SCFD2: variants seen among roughly 807,000 people sequenced by gnomAD.
SCFD2 encodes the protein sec1 family domain-containing protein 2.
In SCFD2, 54 loss-of-function variants were observed where a neutral mutation model predicts 58.9. That is an observed-to-expected ratio of 0.92 (90% CI 0.74 to 1.15). The LOEUF is 1.15. Among genes scored for constraint, SCFD2 ranks in the 50% most tolerant of loss-of-function variants. The pLI is 0.00. For synonymous variants in SCFD2, 321 were observed against 335.9 expected (o/e 0.96, Z 0.49); for missense variants, 805 against 836.6 (o/e 0.96, Z 0.47).
At chr4:53,269,534 ATTAC>A (rs1731096370) in intron 4 of SCFD2, among the ~76,000 whole-genome samples, 1 of 152,152 alleles carries the variant, frequency 6.6e-6, no homozygotes, top group South Asian at 2.1e-4. Context: ...ATCACTTACT[ATTAC>A]TTATATTATT....
chr4:52,934,927 C>T (rs1720097952), intron 5 of SCFD2, among the ~76,000 whole-genome samples: 2 of 152,170 alleles, frequency 1.3e-5, no homozygotes, highest in Non-Finnish European at 2.9e-5. Context: ...ATAGAACTGT[C>T]TGCAATGATG....
chr4:53,066,442 C>T (rs1723665336), intron 5 of SCFD2, among the ~76,000 whole-genome samples: 1 of 152,042 alleles, frequency 6.6e-6, no homozygotes, highest in Admixed American at 6.6e-5. Context: ...GTGCTCTTTC[C>T]TTGTGATTGT....
At chr4:53,105,867 C>G (rs1298662779) in intron 5 of SCFD2, among the ~76,000 whole-genome samples, 4 of 151,978 alleles carry the variant, frequency 2.6e-5, no homozygotes, top group Admixed American at 1.3e-4. Flanking sequence ...TCAATTGGGT[C>G]CCTGACCCCC....
At chr4:53,219,187 T>C (rs1242376292) in intron 4 of SCFD2, among the ~76,000 whole-genome samples, 1 of 152,226 alleles carries the variant, frequency 6.6e-6, no homozygotes, top group African/African-American at 2.4e-5. Context: ...ACATTAAGTC[T>C]GCAGAGGTTT....
In SCFD2 at chr4:53,328,897, G is replaced by A. The variant is rs567142600; in HGVS notation, c.1008-15134C>T. On this transcript the variant is annotated intron_variant, in intron 2 of 8. Coordinates refer to ENST00000401642, the MANE Select transcript of SCFD2 (RefSeq NM_152540.4). ...AGGTCAGTGGGTGCGCGCACCATGC[G>A]CGAGCCGAAGCAGGGCGAGGCATTG... Among the ~76,000 whole-genome samples the A allele has an allele frequency of 4.6e-5, 7 of 152,354 alleles. 1 individual carries two copies. The highest frequency in any genetic ancestry group is 4.1e-4 in the South Asian group (2 of 4,830).
At chr4:53,304,083 C>A (rs1346227501) in intron 3 of SCFD2, among the ~76,000 whole-genome samples, 1 of 136,128 alleles carries the variant, frequency 7.3e-6, no homozygotes, top group Non-Finnish European at 1.6e-5. Context: ...GCACATGTAC[C>A]CTAAAACTTA....
intron 2 of SCFD2, among the ~76,000 whole-genome samples, chr4:53,327,539 C>G (rs542879775): frequency 6.6e-6 from 1 of 152,076 alleles, no homozygotes; most frequent in South Asian, 2.1e-4. Context: ...AATATCAGAG[C>G]CTAAATGGTA....
chr4:53,238,935 T>C (rs1210878494), intron 4 of SCFD2, among the ~76,000 whole-genome samples: 8 of 150,602 alleles, frequency 5.3e-5, no homozygotes, highest in African/African-American at 1.7e-4. Context: ...CAGGCAGAGA[T>C]GCTCCTCACT....
At chr4:53,175,148 C>T (rs1577803544) in intron 4 of SCFD2, among the ~76,000 whole-genome samples, 1 of 152,242 alleles carries the variant, frequency 6.6e-6, no homozygotes, top group East Asian at 1.9e-4. Context: ...GGTACCCTAA[C>T]AAATAGAAAA....
intron 4 of SCFD2, among the ~76,000 whole-genome samples, chr4:53,245,737 T>TA (rs1371681453): frequency 6.6e-6 from 1 of 152,086 alleles, no homozygotes; most frequent in African/African-American, 2.4e-5. Context: ...AAATCACAGC[T>TA]AACATCATAC....
At chr4:53,129,661 G>A (rs1197272804) in intron 5 of SCFD2, among the ~76,000 whole-genome samples, 1 of 152,142 alleles carries the variant, frequency 6.6e-6, no homozygotes, top group Non-Finnish European at 1.5e-5. Context: ...GAAATTAGAG[G>A]ATCCTTTTTA....
intron 3 of SCFD2, among the ~76,000 whole-genome samples, chr4:53,296,090 A>G (rs1293405153): frequency 6.6e-6 from 1 of 152,152 alleles, no homozygotes; most frequent in Non-Finnish European, 1.5e-5. Context: ...ATATTGGCTT[A>G]AAATTTTCTT....
intron 5 of SCFD2, among the ~76,000 whole-genome samples, chr4:52,962,373 T>C (rs546539600): frequency 6.6e-6 from 1 of 152,290 alleles, no homozygotes; most frequent in East Asian, 1.9e-4. Flanking sequence ...TGAACACATT[T>C]TACTCCTGGT....
intron 5 of SCFD2, among the ~76,000 whole-genome samples, chr4:53,131,657 C>T (rs1378145348): frequency 2.6e-5 from 4 of 152,178 alleles, no homozygotes; most frequent in Non-Finnish European, 5.9e-5. Context: ...GATGAGTATA[C>T]TGAGTCTGCA....
chr4:53,027,659 C>G (rs1722510654), intron 5 of SCFD2, among the ~76,000 whole-genome samples: 2 of 151,980 alleles, frequency 1.3e-5, no homozygotes, highest in East Asian at 3.9e-4. Flanking sequence ...AAAACCCTGC[C>G]TTTACAAAAA....
chr4:53,305,915 T>G (rs1053836612), intron 3 of SCFD2, among the ~76,000 whole-genome samples: 1 of 152,236 alleles, frequency 6.6e-6, no homozygotes, highest in African/African-American at 2.4e-5. Flanking sequence ...TAAATAAATA[T>G]GTAACAAATA....
At chr4:52,887,304 A>T (rs892626016) in intron 7 of SCFD2, among the ~76,000 whole-genome samples, 1 of 152,208 alleles carries the variant, frequency 6.6e-6, no homozygotes, top group Non-Finnish European at 1.5e-5. Flanking sequence ...TGGAACCTAC[A>T]CTAGATGCTG....
At chr4:52,947,346 A>G (rs745417606) in intron 5 of SCFD2, among the ~76,000 whole-genome samples, 8 of 152,212 alleles carry the variant, frequency 5.3e-5, no homozygotes, top group Non-Finnish European at 8.8e-5. Context: ...CTCAGGTTCC[A>G]TCAGGCATTA....
intron 5 of SCFD2, among the ~76,000 whole-genome samples, chr4:53,070,993 T>G (rs1723797615): frequency 6.6e-6 from 1 of 152,110 alleles, no homozygotes; most frequent in South Asian, 2.1e-4. Context: ...GTGACTAAGT[T>G]TTGGCCAATG....
Sources: allele counts gnomAD v4.1 joint callset (sites outside exome capture counted in the v4.1 genomes callset), GRCh38; gene constraint gnomAD v4.1.1; transcripts MANE v1.5; gene names NCBI Gene and HGNC (gene_info 2026-07-23, HGNC 2026-07-21).